The following SNTG2 variants were observed in gnomAD, a reference collection of about 807,000 sequenced individuals.
The protein encoded by SNTG2 is syntrophin gamma 2.
Under a neutral mutation model 70.9 loss-of-function variants are expected in SNTG2, and 74 were observed. The ratio of observed to expected loss-of-function variants is 1.04; its 90% CI spans 0.86 to 1.27. The LOEUF (loss-of-function observed/expected upper bound fraction) is 1.27, where lower values mean the gene tolerates loss of function less well. Ranked by LOEUF, SNTG2 falls within the 50% of genes most tolerant of loss-of-function variation. SNTG2 has a pLI of 0.00. For missense variants in SNTG2, 717 were observed against 690.7 expected (o/e 1.04, Z -0.43); for synonymous variants, 278 against 273.8 (o/e 1.02, Z -0.15).
chr2:1,122,243 T>C (rs28796297), intron 4 of SNTG2, among the ~76,000 whole-genome samples: 89,805 of 152,040 alleles, frequency 0.59, 27,236 homozygotes, highest in East Asian at 0.72. Context: ...GGAATAATTA[T>C]GTATACATTT....
At chr2:1,311,440 T>C (rs1381016714) in intron 15 of SNTG2, among the ~76,000 whole-genome samples, 1 of 152,212 alleles carries the variant, frequency 6.6e-6, no homozygotes, top group African/African-American at 2.4e-5. Context: ...TTTGAATTAA[T>C]TTTTTTGAAG....
intron 1 of SNTG2, among the ~76,000 whole-genome samples, chr2:962,323 C>T (rs970867223): frequency 3.3e-5 from 5 of 152,068 alleles, no homozygotes; most frequent in Admixed American, 6.5e-5. Flanking sequence ...CCTCCTGCCT[C>T]GGCCTCCCAA....
chr2:1,001,664 T>C lies in SNTG2; in HGVS notation c.72+50596T>C, dbSNP rs185484893. 3.4e-3 allele frequency among the ~76,000 whole-genome samples: 513 copies of C among 151,858 alleles called. 4 individuals are homozygous for C. The highest frequency in any genetic ancestry group is 0.011 in the African/African-American group (449 of 41,470). ...TCCCTGGCTCATGGATTGAAAAAAATCAATATTATTAAAATAACCATACTA... is the reference window on the plus strand; with the variant it reads ...TCCCTGGCTCATGGATTGAAAAAAACCAATATTATTAAAATAACCATACTA... On this transcript the variant is annotated intron_variant, in intron 1 of 16. Transcript: ENST00000308624.
chr2:994,037 TTTC>T (rs1286681227), intron 1 of SNTG2, among the ~76,000 whole-genome samples: 1 of 152,062 alleles, frequency 6.6e-6, no homozygotes. Flanking sequence ...CTATAGTTTT[TTTC>T]TTATTTTACC....
intron 16 of SNTG2, among the ~76,000 whole-genome samples, chr2:1,316,954 A>G (rs1362313110): frequency 8.2e-5 from 10 of 122,446 alleles, no homozygotes; most frequent in African/African-American, 3.1e-4. Context: ...ATTCTGGAGC[A>G]TTGAGCATCA....
intron 1 of SNTG2, among the ~76,000 whole-genome samples, chr2:979,464 G>A (rs1368156714): frequency 1.3e-5 from 2 of 152,188 alleles, no homozygotes; most frequent in Non-Finnish European, 2.9e-5. Flanking sequence ...CCGTCGGGCT[G>A]TGCCCAGCCT....
At chr2:1,318,711 GATGAAA>G (rs557097692) in intron 16 of SNTG2, among the ~76,000 whole-genome samples, 1 of 152,240 alleles carries the variant, frequency 6.6e-6, no homozygotes, top group Non-Finnish European at 1.5e-5. Flanking sequence ...ATGGATCAGG[GATGAAA>G]ATAGAATGTT....
intron 16 of SNTG2, among the ~76,000 whole-genome samples, chr2:1,338,196 A>C (rs1443718581): frequency 6.6e-6 from 1 of 152,128 alleles, no homozygotes; most frequent in East Asian, 1.9e-4. Context: ...AGGATCCTTT[A>C]AGATTACAGA....
intron 11 of SNTG2, among the ~76,000 whole-genome samples, chr2:1,241,833 A>G (rs750582185): frequency 1.3e-4 from 20 of 152,124 alleles, no homozygotes; most frequent in Middle Eastern, 3.2e-3. Context: ...TGTATTTCAC[A>G]TCGATCTTGG....
intron 8 of SNTG2, among the ~76,000 whole-genome samples, chr2:1,177,206 A>T (rs567735140): frequency 6.6e-6 from 1 of 152,336 alleles, no homozygotes; most frequent in East Asian, 1.9e-4. Flanking sequence ...GGAAGCCATT[A>T]TCCTCAGCAA....
intron 1 of SNTG2, among the ~76,000 whole-genome samples, chr2:1,057,134 T>A (rs923039616): frequency 4.6e-5 from 7 of 152,070 alleles, no homozygotes; most frequent in Non-Finnish European, 8.8e-5. Context: ...AGCTGGCCTA[T>A]TTCTGCTAGA....
intron 12 of SNTG2, among the ~76,000 whole-genome samples, chr2:1,247,826 C>G (rs982349641): frequency 6.6e-6 from 1 of 152,140 alleles, no homozygotes. Context: ...ATTTTAAAAG[C>G]TTTTATTCCC....
chr2:1,185,637 A>G (rs1277380586), intron 8 of SNTG2, among the ~76,000 whole-genome samples: 3 of 152,188 alleles, frequency 2.0e-5, no homozygotes, highest in Non-Finnish European at 4.4e-5. Flanking sequence ...GGCCTGAGAC[A>G]TATCTGGGAC....
At chr2:1,312,868 A>G (rs1490987693) in intron 15 of SNTG2, among the ~76,000 whole-genome samples, 2 of 152,212 alleles carry the variant, frequency 1.3e-5, no homozygotes, top group African/African-American at 2.4e-5. Flanking sequence ...TTAAAAGCTG[A>G]AAAGGAATTG....
intron 9 of SNTG2, among the ~76,000 whole-genome samples, chr2:1,220,800 T>G (rs1415029200): frequency 6.6e-6 from 1 of 152,204 alleles, no homozygotes; most frequent in East Asian, 1.9e-4. Context: ...AAGCCAGTGC[T>G]GCCTTCAACA....
At chr2:1,318,491 A>T (rs111432370) in intron 16 of SNTG2, among the ~76,000 whole-genome samples, 18 of 152,248 alleles carry the variant, frequency 1.2e-4, no homozygotes, top group Non-Finnish European at 2.4e-4. Flanking sequence ...CTGAATGCAG[A>T]TGGTACAGAC....
At chr2:1,223,599 C>G (rs1675520440) in intron 9 of SNTG2, among the ~76,000 whole-genome samples, 1 of 152,216 alleles carries the variant, frequency 6.6e-6, no homozygotes. Flanking sequence ...AAACATGAAC[C>G]AAAGTCACTG....
intron 4 of SNTG2, among the ~76,000 whole-genome samples, chr2:1,123,957 G>A (rs1572501044): frequency 6.6e-6 from 1 of 152,200 alleles, no homozygotes; most frequent in Non-Finnish European, 1.5e-5. Context: ...AGAGTAGAAT[G>A]ATGGTCACAG....
intron 1 of SNTG2, among the ~76,000 whole-genome samples, chr2:1,033,387 G>A (rs1217544979): frequency 6.6e-6 from 1 of 152,138 alleles, no homozygotes; most frequent in African/African-American, 2.4e-5. Flanking sequence ...GTTTTTTGGA[G>A]ATGGGACTTT....
Sources: allele counts gnomAD v4.1 joint callset (sites outside exome capture counted in the v4.1 genomes callset), GRCh38; gene constraint gnomAD v4.1.1; transcripts MANE v1.5; gene names NCBI Gene and HGNC (gene_info 2026-07-23, HGNC 2026-07-21).